The following BLTP1 variants were observed in gnomAD, a reference collection of about 807,000 sequenced individuals.
The protein encoded by BLTP1 is fragile site-associated protein.
chr4:122,197,632 C>T, the BLTP1 span: 14 of 190,540 alleles, frequency 7.3e-5, no homozygotes, highest in African/African-American at 9.5e-5. Flanking sequence ...CTGTACCAGA[C>T]GTTTGGGCAG....
the BLTP1 span, chr4:122,336,544 A>G: frequency 6.6e-6 from 4 of 603,852 alleles, no homozygotes; most frequent in Admixed American, 6.4e-5. Flanking sequence ...AGTCCTGGTG[A>G]GGTTACATAA....
the BLTP1 span, chr4:122,184,651 A>C: frequency 2.0e-6 from 2 of 983,228 alleles, no homozygotes; most frequent in East Asian, 2.3e-4. Context: ...AAAAAAAACC[A>C]AAAAACAAAA....
chr4:122,211,532 A>G, the BLTP1 span, among the ~76,000 whole-genome samples: 1 of 152,188 alleles, frequency 6.6e-6, no homozygotes, highest in Non-Finnish European at 1.5e-5. Flanking sequence ...ACGTTTTATG[A>G]TAATGAACAA....
At chr4:122,270,421 G>T in the BLTP1 span, 1,702 of 866,290 alleles carry the variant, frequency 2.0e-3, 1 homozygote, top group Non-Finnish European at 2.3e-3. Flanking sequence ...AGATATTTTT[G>T]ACTTTCTATA....
the BLTP1 span, among the ~76,000 whole-genome samples, chr4:122,201,632 C>G: frequency 6.6e-6 from 1 of 152,150 alleles, no homozygotes; most frequent in Non-Finnish European, 1.5e-5. Flanking sequence ...TTATTGATAG[C>G]TTTGCATATT....
At chr4:122,270,623 A>C in the BLTP1 span, among the ~76,000 whole-genome samples, 1 of 143,250 alleles carries the variant, frequency 7.0e-6, no homozygotes, top group Non-Finnish European at 1.5e-5. Flanking sequence ...TTAAATATGA[A>C]TATATTAGAT....
chr4:122,272,069 T>C, the BLTP1 span: 1 of 1,462,330 alleles, frequency 6.8e-7, no homozygotes, highest in Non-Finnish European at 9.2e-7. Flanking sequence ...GTTGGGAATG[T>C]GAAGGAAAGA....
chr4:122,208,440 G>A, the BLTP1 span: 1 of 983,472 alleles, frequency 1.0e-6, no homozygotes, highest in Non-Finnish European at 1.2e-6. Context: ...AAAGCCAAAT[G>A]AAGATCCTTT....
At chr4:122,176,643 A>G in the BLTP1 span, among the ~76,000 whole-genome samples, 1 of 152,176 alleles carries the variant, frequency 6.6e-6, no homozygotes, top group African/African-American at 2.4e-5. Context: ...ACAATTTTTC[A>G]GGTAAATTCT....
At chr4:122,200,684 T>G in the BLTP1 span, 1 of 985,046 alleles carries the variant, frequency 1.0e-6, no homozygotes, top group Admixed American at 6.2e-5. Flanking sequence ...AGCCTGTCAC[T>G]TAACAGATGA....
the BLTP1 span, chr4:122,171,725 G>A: frequency 1.5e-6 from 1 of 646,548 alleles, no homozygotes; most frequent in Non-Finnish European, 1.9e-6. Flanking sequence ...AAGTAGAGAT[G>A]AAGTGTCTGT....
the BLTP1 span, among the ~76,000 whole-genome samples, chr4:122,302,775 A>G: frequency 1.5e-4 from 23 of 152,342 alleles, no homozygotes; most frequent in East Asian, 3.3e-3. Flanking sequence ...TATTGCAGAT[A>G]TGGAGAAAGT....
At chr4:122,236,803 T>C in the BLTP1 span, 14 of 984,150 alleles carry the variant, frequency 1.4e-5, no homozygotes, top group Non-Finnish European at 8.4e-6. Flanking sequence ...TCTGTATCTC[T>C]TGGTGATTCT....
chr4:122,214,089 G>T, the BLTP1 span: 1 of 411,380 alleles, frequency 2.4e-6, no homozygotes, highest in Non-Finnish European at 3.3e-6. Context: ...GTATAATTTT[G>T]GAAACAGTAC....
At chr4:122,189,629 G>A in the BLTP1 span, 42 of 926,044 alleles carry the variant, frequency 4.5e-5, no homozygotes, top group African/African-American at 7.2e-4. Flanking sequence ...TTTTATTCCA[G>A]TGATCATCAT....
the BLTP1 span, chr4:122,170,028 T>A: frequency 7.1e-6 from 7 of 981,552 alleles, no homozygotes; most frequent in African/African-American, 1.1e-4. Context: ...ATAATCACGC[T>A]GGGCGCGGTG....
the BLTP1 span, chr4:122,361,846 T>TATTA: frequency 2.4e-5 from 5 of 205,536 alleles, no homozygotes; most frequent in South Asian, 3.4e-4. Context: ...ATCATACATA[T>TATTA]ATTATTTTTT....
chr4:122,258,527 C>T, the BLTP1 span: 1 of 377,222 alleles, frequency 2.7e-6, no homozygotes, highest in Non-Finnish European at 3.7e-6. Context: ...TAATAAAAGC[C>T]GTTTGTTCCT....
the BLTP1 span, among the ~76,000 whole-genome samples, chr4:122,217,604 T>A: frequency 1.3e-5 from 2 of 152,192 alleles, no homozygotes; most frequent in African/African-American, 4.8e-5. Context: ...GATATGCTCT[T>A]AGATTCAGTT....
Sources: allele counts gnomAD v4.1 joint callset (sites outside exome capture counted in the v4.1 genomes callset), GRCh38; gene constraint gnomAD v4.1.1; transcripts MANE v1.5; gene names NCBI Gene and HGNC (gene_info 2026-07-23, HGNC 2026-07-21).